Variants in TMEM38B observed in about 807,000 individuals in gnomAD.
TMEM38B encodes transmembrane protein 38B.
A neutral mutation model predicts 28.7 loss-of-function variants in TMEM38B; 24 were observed. The ratio of observed to expected loss-of-function variants is 0.84; its 90% CI spans 0.61 to 1.18. The LOEUF (loss-of-function observed/expected upper bound fraction) is 1.18, where lower values mean the gene tolerates loss of function less well. Ranked by LOEUF, TMEM38B falls within the 50% of genes most tolerant of loss-of-function variation. The probability of loss-of-function intolerance (pLI) is 0.00; values close to 1 mark genes in which losing one functional copy is unlikely to be tolerated. For synonymous variants in TMEM38B, 131 were observed against 127.7 expected, an observed-to-expected ratio of 1.03 and a Z score of -0.17; for missense variants, 380 against 350.9, an observed-to-expected ratio of 1.08 and a Z score of -0.66.
At chr9:105,765,020 G>A (rs1363688818) in intron 5 of TMEM38B, among the ~76,000 whole-genome samples, 2 of 152,306 alleles carry the variant, frequency 1.3e-5, no homozygotes, top group South Asian at 2.1e-4. Flanking sequence ...GGGACAACTG[G>A]CTAGCCATAT....
chr9:105,746,045 G>T (rs1290966486), intron 4 of TMEM38B, among the ~76,000 whole-genome samples: 1 of 152,168 alleles, frequency 6.6e-6, no homozygotes. Context: ...TTTGGCTTAG[G>T]ATTGACTTGG....
chr9:105,758,741 A>G, intron 5 of TMEM38B: 1 of 734,430 alleles, frequency 1.4e-6, no homozygotes, highest in Non-Finnish European at 2.4e-6. Context: ...GTATTTTTAA[A>G]TGATGAAACT....
chr9:105,769,111 A>G (rs992814511), intron 5 of TMEM38B, among the ~76,000 whole-genome samples: 2 of 152,168 alleles, frequency 1.3e-5, no homozygotes, highest in Non-Finnish European at 2.9e-5. Flanking sequence ...ATATATAACA[A>G]CCTCTTAAAA....
chr9:105,753,486 G>A (rs1384987657), intron 5 of TMEM38B, among the ~76,000 whole-genome samples: 2 of 152,156 alleles, frequency 1.3e-5, no homozygotes, highest in Non-Finnish European at 2.9e-5. Flanking sequence ...AACCCTACGA[G>A]CCAGAAGAGA....
At chr9:105,764,831 A>G (rs1389408345) in intron 5 of TMEM38B, among the ~76,000 whole-genome samples, 2 of 151,728 alleles carry the variant, frequency 1.3e-5, no homozygotes, top group African/African-American at 4.9e-5. Context: ...ACTTCAAACT[A>G]TACTACAAGG....
At chr9:105,716,879 A>G (rs1027009907) in intron 2 of TMEM38B, among the ~76,000 whole-genome samples, 22 of 152,206 alleles carry the variant, frequency 1.4e-4, no homozygotes, top group African/African-American at 5.3e-4. Context: ...AAATTATGTA[A>G]TACATATGAC....
rs911247945 is a variant in TMEM38B at position 105,775,825 on chromosome 9, T to C, written c.*1745T>C. 5 of 152,184 alleles carry C rather than the reference T, an allele frequency of 3.3e-5. No individual in the cohort carries two copies. The highest frequency in any genetic ancestry group is 1.9e-4 in the East Asian group (1 of 5,204). The allele number at this position is 152,184 out of a possible 1,614,324, so 9.4% of individuals were successfully genotyped here. On this transcript the variant is annotated 3_prime_UTR_variant, in exon 6 of 6. Coordinates refer to ENST00000374692, the MANE Select transcript of TMEM38B (RefSeq NM_018112.3). The stretch of plus-strand genomic sequence containing the variant: ...AAGTTATTTAGCACCAATGGAGTAT[T>C]ACATTATTTTTATGTTTTATATTTT...
At chr9:105,725,545 A>T (rs1836478522) in intron 4 of TMEM38B, among the ~76,000 whole-genome samples, 1 of 152,066 alleles carries the variant, frequency 6.6e-6, no homozygotes, top group African/African-American at 2.4e-5. Context: ...GTTATCAAGT[A>T]TACTTACACA....
At chr9:105,760,557 A>G in intron 5 of TMEM38B, 1 of 742,494 alleles carries the variant, frequency 1.3e-6, no homozygotes, top group Non-Finnish European at 2.4e-6. Context: ...AACTTATAGA[A>G]AATGTTATTA....
Position 105,706,320 on chromosome 9 carries a change from T to C in TMEM38B, c.269+567T>C, listed in dbSNP as rs1484318604. ...CTTTTTTGTTGTTGTTGAGACATAG[T>C]CTTGCTATGTGCAAGACTGCAAGTG... On this transcript the variant is annotated intron_variant, in intron 2 of 5. Coordinates refer to ENST00000374692, the MANE Select transcript of TMEM38B (RefSeq NM_018112.3). Among the ~76,000 whole-genome samples the C allele has an allele frequency of 2.0e-5, 3 of 152,256 alleles. No individual in the cohort carries two copies. In the East Asian group the frequency reaches 5.8e-4, roughly 29 times the overall value.
At chr9:105,701,239 T>G (rs1170370426) in intron 1 of TMEM38B, 1 of 152,194 alleles carries the variant, frequency 6.6e-6, no homozygotes, top group East Asian at 1.9e-4. Context: ...GGGTTTGAAC[T>G]TCCTACTTTC....
At chr9:105,715,207 A>G (rs1460523195) in intron 2 of TMEM38B, among the ~76,000 whole-genome samples, 3 of 152,188 alleles carry the variant, frequency 2.0e-5, no homozygotes, top group East Asian at 3.8e-4. Context: ...CTCCCATTTT[A>G]ACAATAAATG....
At chr9:105,756,615 G>T (rs1405052648) in intron 5 of TMEM38B, among the ~76,000 whole-genome samples, 1 of 152,220 alleles carries the variant, frequency 6.6e-6, no homozygotes, top group South Asian at 2.1e-4. Context: ...AGTCTAATTT[G>T]TGGAATAAAA....
chr9:105,741,428 T>G (rs147854360), intron 4 of TMEM38B, among the ~76,000 whole-genome samples: 25 of 152,318 alleles, frequency 1.6e-4, no homozygotes, highest in African/African-American at 5.8e-4. Context: ...GAGGAGCATA[T>G]TAGAGCCTAT....
At chr9:105,709,030 A>G (rs1048017843) in intron 2 of TMEM38B, among the ~76,000 whole-genome samples, 1 of 151,228 alleles carries the variant, frequency 6.6e-6, no homozygotes, top group African/African-American at 2.4e-5. Context: ...TTTATTCACT[A>G]TACATAGAAC....
intron 2 of TMEM38B, among the ~76,000 whole-genome samples, chr9:105,714,413 A>T (rs1376064025): frequency 6.6e-6 from 1 of 152,224 alleles, no homozygotes; most frequent in Non-Finnish European, 1.5e-5. Context: ...GTTTCTGCCC[A>T]GAAAAGTGAC....
chr9:105,722,667 A>G (rs759884592), intron 4 of TMEM38B, 46 bp downstream of exon 4: 1 of 1,481,118 alleles, frequency 6.8e-7, no homozygotes. Context: ...TTATCCTTAG[A>G]TCTTACCAAA....
At chr9:105,772,738 G>T (rs1360299955) in intron 5 of TMEM38B, among the ~76,000 whole-genome samples, 2 of 151,986 alleles carry the variant, frequency 1.3e-5, no homozygotes, top group African/African-American at 4.8e-5. Flanking sequence ...GTGACGTTTA[G>T]TACTCTCACA....
At chr9:105,720,935 G>T (rs1042898603) in intron 2 of TMEM38B, among the ~76,000 whole-genome samples, 2 of 152,114 alleles carry the variant, frequency 1.3e-5, no homozygotes, top group African/African-American at 4.8e-5. Context: ...TAAAACTTAA[G>T]CTTAGTGAAC....
Sources: allele counts gnomAD v4.1 joint callset (sites outside exome capture counted in the v4.1 genomes callset), GRCh38; gene constraint gnomAD v4.1.1; transcripts MANE v1.5; gene names NCBI Gene and HGNC (gene_info 2026-07-23, HGNC 2026-07-21).